Variants in APBA3 observed in about 807,000 individuals in gnomAD.
APBA3 encodes amyloid-beta A4 precursor protein-binding family A member 3.
A neutral mutation model predicts 55.9 loss-of-function variants in APBA3; 45 were observed. The observed-to-expected ratio is 0.80, with a 90% confidence interval of 0.63 to 1.03. The LOEUF is 1.03. Ranked by LOEUF, APBA3 falls within the 50% of genes least tolerant of loss-of-function variation. The pLI is 0.00. For missense variants in APBA3, 865 were observed against 820.3 expected, an observed-to-expected ratio of 1.05 and a Z score of -0.67; for synonymous variants, 370 against 353.3, an observed-to-expected ratio of 1.05 and a Z score of -0.53.
At position 3,759,916 on chromosome 19, in the gene APBA3, G is replaced by A. The variant is rs1196746441; in HGVS notation, c.349C>T (p.His117Tyr). The A allele has an allele frequency of 6.2e-7, 1 of 1,611,694 alleles. No individual in the cohort carries two copies. Among genetic ancestry groups the A allele is most frequent in the Non-Finnish European group, 8.5e-7 (1 of 1,179,520 alleles). The change falls in exon 2 of 11, where the codon CAC becomes TAC. Residue 117 changes from histidine (H) to tyrosine (Y), a missense_variant. Transcript: ENST00000316757. Reference protein sequence around the residue: ...AGRDDLLGLLHCEECPPSQTG... With the variant: ...AGRDDLLGLLYCEECPPSQTG... ...TGGGAAGGCGGGCATTCCTCGCAGT[G>A]CAAGAGGCCCAGCAGGTCATCCCGG...
At chr19:3,753,690 C>G in intron 6 of APBA3, 75 bp downstream of exon 6, 1 of 1,351,694 alleles carries the variant, frequency 7.4e-7, no homozygotes. Flanking sequence ...AGGTTAAATG[C>G]ACGGCCCACT....
At chr19:3,758,314 C>T (rs753358619) in intron 3 of APBA3, among the ~76,000 whole-genome samples, 11 of 150,608 alleles carry the variant, frequency 7.3e-5, no homozygotes, top group Non-Finnish European at 1.2e-4. Flanking sequence ...AGTGCAGTGG[C>T]GTGGGGTGAT....
intron 4 of APBA3, 21 bp downstream of exon 4, chr19:3,754,174 C>T (rs575937132): frequency 1.2e-5 from 18 of 1,542,196 alleles, no homozygotes; most frequent in Middle Eastern, 2.0e-4. Flanking sequence ...CCTGCCCGCC[C>T]GGCCCCGGCC....
At chr19:3,753,302 C>T in intron 6 of APBA3, 1 of 476,978 alleles carries the variant, frequency 2.1e-6, no homozygotes, top group Non-Finnish European at 3.8e-6. Flanking sequence ...GTGGCAGGGA[C>T]AGCCCAGGAG....
In APBA3 at chr19:3,759,555, A is replaced by G. The variant is rs751931465; in HGVS notation, c.616+6T>C. 6.3e-7 allele frequency: 1 copy of G among 1,595,052 alleles called. No homozygotes were observed. Among genetic ancestry groups the G allele is most frequent in the Admixed American group, 1.8e-5 (1 of 56,654 alleles). Reference sequence around the variant, plus strand: ...TGCCTGAGGCTAGGGTGGGCGGGACACTCACCCTCCTGGGGGGCAGGGTAG... The same window carrying G: ...TGCCTGAGGCTAGGGTGGGCGGGACGCTCACCCTCCTGGGGGGCAGGGTAG... On this transcript the variant is annotated splice_donor_region_variant and intron_variant, in intron 3 of 10. Coordinates refer to ENST00000316757, the MANE Select transcript of APBA3 (RefSeq NM_004886.4).
intron 1 of APBA3, among the ~76,000 whole-genome samples, chr19:3,761,122 T>C (rs1474288570): frequency 6.6e-6 from 1 of 151,990 alleles, no homozygotes; most frequent in Admixed American, 6.6e-5. Context: ...AGCCCCTGTG[T>C]CATCCCAGAC....
rs537414878 is a variant in APBA3 at position 3,760,057 on chromosome 19, C to T, written c.208G>A (p.Asp70Asn). The T allele has an allele frequency of 4.9e-4, 783 of 1,613,256 alleles. 20 individuals carry two copies. In the South Asian group the frequency reaches 8.2e-3, roughly 17 times the overall value. The change falls in exon 2 of 11, where the codon GAT becomes AAT. Residue 70 changes from aspartate (D) to asparagine (N), a missense_variant. Coordinates refer to ENST00000316757, the MANE Select transcript of APBA3 (RefSeq NM_004886.4). ...LVQQFEALPGDLVGPSPGGAP... is the reference protein window; with the variant it reads ...LVQQFEALPGNLVGPSPGGAP... ...CCACCTGGGGATGGGCCCACCAGAT[C>T]GCCTGGCAGAGCTTCAAACTGCTGC...
intron 8 of APBA3, among the ~76,000 whole-genome samples, chr19:3,752,056 A>G (rs573289112): frequency 1.3e-5 from 2 of 152,324 alleles, no homozygotes; most frequent in East Asian, 3.9e-4. Context: ...TCTACAAAAA[A>G]TAAAACAATA....
In APBA3 at chr19:3,760,026, G is replaced by C. The variant is rs766135793; in HGVS notation, c.239C>G (p.Pro80Arg). ...GCCTGTGGCAATGTGTAGGGGACAG[G>C]GGGCTCCACCTGGGGATGGGCCCAC... ...DLVGPSPGGA[P>R]CPLHIATGHG... The change falls in exon 2 of 11, where the codon CCC (proline) becomes CGC (arginine). Residue 80 changes from proline (P) to arginine (R), a missense_variant. Pro to Arg is a moderately radical substitution (Grantham distance 103). Transcript: ENST00000316757. The C allele has an allele frequency of 6.2e-7, 1 of 1,613,082 alleles. No individual in the cohort carries two copies. Among genetic ancestry groups the C allele is most frequent in the Non-Finnish European group, 8.5e-7 (1 of 1,179,992 alleles).
rs910282597 is a variant in APBA3 at position 3,754,218 on chromosome 19, G to C, written c.739C>G (p.Arg247Gly). The C allele has an allele frequency of 3.0e-5, 46 of 1,540,174 alleles. No individual in the cohort carries two copies. Among genetic ancestry groups the C allele is most frequent in the African/African-American group, 4.1e-5 (3 of 72,460 alleles). ...PPTSTRMAQA[R>G]EAMDRVKAPD... The stretch of plus-strand genomic sequence containing the variant: ...ACCTTGACGCGGTCCATGGCCTCCC[G>C]GGCCTGGGCCATGCGCGTGCTGGTG... The change falls in exon 4 of 11, where the codon CGG becomes GGG. Residue 247 changes from arginine (R) to glycine (G), a missense_variant. Arg to Gly is a moderately radical substitution (Grantham distance 125, BLOSUM62 -2). Coordinates refer to ENST00000316757, the MANE Select transcript of APBA3 (RefSeq NM_004886.4).
In APBA3 at chr19:3,752,559, G is replaced by A. The variant is rs768846433; in HGVS notation, c.1344C>T (p.Asn448=). Residue 448 remains asparagine, a synonymous_variant, in exon 8 of 11, where the codon AAC becomes AAT. Coordinates refer to ENST00000316757, the MANE Select transcript of APBA3 (RefSeq NM_004886.4). ...GGGGCAGCCCCACCAGGCTGGTCCC[G>A]TTGATGGCGGTCAGGCGGTCCCCGA... ...LSIGDRLTAI[N]GTSLVGLPLA... 3.1e-5 allele frequency: 50 copies of A among 1,588,864 alleles called. No homozygotes were observed. Among genetic ancestry groups the A allele is most frequent in the African/African-American group, 1.6e-4 (12 of 74,668 alleles).
rs767228548 is a variant in APBA3 at position 3,754,006 on chromosome 19, C to T, written c.849+13G>A. 3.7e-6 allele frequency: 6 copies of T among 1,603,862 alleles called. No individual in the cohort carries two copies. Among genetic ancestry groups the T allele is most frequent in the South Asian group, 1.1e-5 (1 of 89,488 alleles). ...CCCCACCCGCATCCCTGGGGCGGGT[C>T]CCTGCCCCGTACCTGGGAGTCCGCT... On this transcript the variant is annotated intron_variant, in intron 5 of 10. Transcript: ENST00000316757.
rs2037120710 is a variant in APBA3, at chr19:3,759,718, T to C, written c.547A>G (p.Thr183Ala). 6.2e-7 allele frequency: 1 copy of C among 1,612,484 alleles called. No individual in the cohort carries two copies. The highest frequency in any genetic ancestry group is 8.5e-7 in the Non-Finnish European group (1 of 1,179,752). ...EPWLETVPLVTPEEPPAGAQS... is the reference protein window; with the variant it reads ...EPWLETVPLVAPEEPPAGAQS... ...GCACCAGCGGGTGGCTCTTCAGGTG[T>C]GACTAGAGGCACCGTCTCCAGCCAG... is the stretch of plus-strand genomic sequence containing the variant. The change falls in exon 2 of 11, where the codon ACA (threonine) becomes GCA (alanine). Residue 183 changes from threonine (T) to alanine (A), a missense_variant. By Grantham distance (58) the Thr-to-Ala change is moderately conservative. Transcript: ENST00000316757.
In APBA3 at chr19:3,751,257, T is replaced by C. The variant is rs1159654195; in HGVS notation, c.1588A>G (p.Asn530Asp). ...GGCGTGGCCACCACACTCTGCCCAT[T>C]GATCTCAATGATGCGGTGGCCGACG... ...IRVGHRIIEI[N>D]GQSVVATPHA... The change falls in exon 10 of 11, where the codon AAT becomes GAT. Residue 530 changes from asparagine (N) to aspartate (D), a missense_variant. Physicochemically the swap from Asn to Asp is conservative, Grantham distance 23. Transcript: ENST00000316757. 1.9e-6 allele frequency: 3 copies of C among 1,546,220 alleles called. No individual in the cohort carries two copies. The highest frequency in any genetic ancestry group is 2.6e-6 in the Non-Finnish European group (3 of 1,147,896).
At chr19:3,753,599 T>C (rs1025988729) in intron 6 of APBA3, 166 bp downstream of exon 6, 33 of 671,966 alleles carry the variant, frequency 4.9e-5, no homozygotes, top group African/African-American at 4.9e-4. Flanking sequence ...TGAACTATGA[T>C]TGCGCCACTG....
chr19:3,755,893 T>C (rs1215381021), intron 3 of APBA3: 2 of 151,588 alleles, frequency 1.3e-5, no homozygotes, highest in African/African-American at 2.4e-5. Context: ...CCAGTGGCCC[T>C]AGAACATTCT....
intron 6 of APBA3, chr19:3,753,467 G>A (rs2037035267): frequency 4.9e-6 from 2 of 405,654 alleles, no homozygotes; most frequent in African/African-American, 4.0e-5. Flanking sequence ...GGGCAACAGA[G>A]CGAGACCGTG....
chr19:3,751,819 A>G (rs1023538937), intron 8 of APBA3: 3 of 502,926 alleles, frequency 6.0e-6, no homozygotes, highest in African/African-American at 2.0e-5. Flanking sequence ...AAACATCTGT[A>G]AGAGGCTGCA....
intron 3 of APBA3, among the ~76,000 whole-genome samples, chr19:3,759,338 C>T (rs368344088): frequency 7.9e-5 from 12 of 152,322 alleles, no homozygotes; most frequent in African/African-American, 2.6e-4. Context: ...TTCTAGAACC[C>T]AGTGCTGCCA....
Sources: gnomAD v4.1 joint callset for allele counts (sites outside exome capture counted in the v4.1 genomes callset) on GRCh38, gnomAD v4.1.1 for gene constraint, MANE v1.5 for transcripts, NCBI Gene and HGNC (gene_info 2026-07-23, HGNC 2026-07-21) for gene names.